GULP1: variants seen among roughly 807,000 people sequenced by gnomAD.
The protein encoded by GULP1 is GULP PTB domain containing engulfment adaptor 1.
GULP1 carries 19 observed loss-of-function variants against 40.9 expected under a neutral mutation model. The ratio of observed to expected loss-of-function variants is 0.46; its 90% confidence interval spans 0.32 to 0.68. The LOEUF is 0.68. Among genes scored for constraint, GULP1 ranks in the 30% least tolerant of loss-of-function variants. GULP1 has a pLI of 0.03. For missense variants in GULP1, 312 were observed against 362.2 expected (o/e 0.86, Z 1.12); for synonymous variants, 119 against 117.6 (o/e 1.01, Z -0.08).
At chr2:188,498,467 A>G (rs2063115039) in intron 4 of GULP1, among the ~76,000 whole-genome samples, 1 of 151,972 alleles carries the variant, frequency 6.6e-6, no homozygotes, top group Admixed American at 6.6e-5. Flanking sequence ...AATAAACACT[A>G]AACAATTAAA....
intron 4 of GULP1, among the ~76,000 whole-genome samples, chr2:188,509,358 T>C (rs1256219547): frequency 6.6e-6 from 1 of 152,158 alleles, no homozygotes; most frequent in African/African-American, 2.4e-5. Flanking sequence ...CCTTCTTTGC[T>C]TTGACCTTCA....
chr2:188,424,407 AATG>A (rs1575158832), intron 2 of GULP1, among the ~76,000 whole-genome samples: 2 of 152,046 alleles, frequency 1.3e-5, no homozygotes, highest in East Asian at 3.9e-4. Flanking sequence ...CATTGATTTC[AATG>A]CATGATCATT....
Position 188,328,521 on chromosome 2 carries a change from G to T in GULP1, c.-172+36355G>T, listed in dbSNP as rs577396837. ...CTACTAGAATCAGCAAAAATATATT[G>T]CTTGCTAATTAATTATCCTTCAACA... On this transcript the variant is annotated intron_variant, in intron 1 of 11. Transcript: ENST00000409830. Among the ~76,000 whole-genome samples the T allele has an allele frequency of 2.0e-5, 3 of 152,200 alleles. No individual in the cohort carries two copies. The South Asian group carries it at 6.2e-4, about 32-fold the overall frequency.
At chr2:188,402,217 C>A (rs867341605) in intron 2 of GULP1, among the ~76,000 whole-genome samples, 21 of 152,218 alleles carry the variant, frequency 1.4e-4, no homozygotes, top group Middle Eastern at 3.4e-3. Context: ...CCGGCTAGTA[C>A]CTACAGTAAG....
chr2:188,519,050 AT>A (rs1424123423), intron 4 of GULP1, among the ~76,000 whole-genome samples: 1 of 152,146 alleles, frequency 6.6e-6, no homozygotes, highest in Non-Finnish European at 1.5e-5. Flanking sequence ...ATTTTTTGTA[AT>A]TAAAAAAATA....
At chr2:188,364,120 G>C (rs1176445442) in intron 1 of GULP1, among the ~76,000 whole-genome samples, 1 of 152,090 alleles carries the variant, frequency 6.6e-6, no homozygotes, top group African/African-American at 2.4e-5. Context: ...TTTGCTGTAG[G>C]TAAATAATTA....
intron 7 of GULP1, among the ~76,000 whole-genome samples, chr2:188,547,923 G>A (rs1451114824): frequency 6.6e-6 from 1 of 152,000 alleles, no homozygotes; most frequent in Admixed American, 6.6e-5. Flanking sequence ...CTTTAAAAGA[G>A]AATGAACACA....
intron 7 of GULP1, among the ~76,000 whole-genome samples, chr2:188,550,312 C>T (rs1166032720): frequency 6.6e-6 from 1 of 151,556 alleles, no homozygotes; most frequent in Non-Finnish European, 1.5e-5. Flanking sequence ...TAGAGGAAGG[C>T]TTACCTTAGC....
At chr2:188,439,983 C>A (rs2152859258) in intron 2 of GULP1, among the ~76,000 whole-genome samples, 1 of 152,050 alleles carries the variant, frequency 6.6e-6, no homozygotes, top group African/African-American at 2.4e-5. Flanking sequence ...AATAGAGTAC[C>A]ACCAAAACAT....
At chr2:188,368,893 A>T in intron 1 of GULP1, among the ~76,000 whole-genome samples, 1 of 138,834 alleles carries the variant, frequency 7.2e-6, no homozygotes, top group Non-Finnish European at 1.5e-5. Context: ...ATTCTTTGAG[A>T]GTGTATTAAT....
chr2:188,406,975 A>G (rs1391974159), intron 2 of GULP1, among the ~76,000 whole-genome samples: 2 of 152,162 alleles, frequency 1.3e-5, no homozygotes, highest in Non-Finnish European at 1.5e-5. Context: ...AGCTGTGAAA[A>G]TCAAAGACAG....
At chr2:188,552,462 C>T (rs759351306) in intron 7 of GULP1, among the ~76,000 whole-genome samples, 1 of 151,812 alleles carries the variant, frequency 6.6e-6, no homozygotes, top group African/African-American at 2.4e-5. Context: ...CCTCAGTTGA[C>T]TGTAAATAAG....
intron 4 of GULP1, among the ~76,000 whole-genome samples, chr2:188,516,592 A>G (rs891247716): frequency 2.6e-5 from 4 of 152,040 alleles, no homozygotes; most frequent in African/African-American, 7.2e-5. Context: ...CTAGGACTCT[A>G]TTTGGTTTAA....
intron 2 of GULP1, among the ~76,000 whole-genome samples, chr2:188,401,316 G>C (rs182826338): frequency 1.9e-4 from 29 of 152,034 alleles, no homozygotes; most frequent in Non-Finnish European, 8.8e-5. Context: ...GTAAGATCTC[G>C]ATACTATATA....
intron 2 of GULP1, among the ~76,000 whole-genome samples, chr2:188,458,595 T>C (rs200894776): frequency 5.3e-5 from 8 of 152,180 alleles, no homozygotes; most frequent in Non-Finnish European, 5.9e-5. Flanking sequence ...TGAAGTGTTT[T>C]AATACAGACA....
chr2:188,471,664 ACT>A (rs2060604517), intron 2 of GULP1, among the ~76,000 whole-genome samples: 1 of 151,216 alleles, frequency 6.6e-6, no homozygotes, highest in South Asian at 2.1e-4. Context: ...TGAAATAAAA[ACT>A]CTACATCTTA....
rs778254562 is a variant in GULP1, at chr2:188,584,381, A to G, written c.726A>G (p.Val242=). ...PTRNGTQPPP[V]PSRSTEIKRD... ...GCAATGGCACACAGCCACCTCCAGT[A>G]CCTAGTAGATCTACTGAGATTAGTA... The change falls in exon 10 of 12, where the codon GTA becomes GTG. Residue 242 remains valine, a synonymous_variant. Coordinates refer to ENST00000409830, the MANE Select transcript of GULP1 (RefSeq NM_016315.4). 1 of 1,602,572 alleles carries G rather than the reference A, an allele frequency of 6.2e-7. No homozygotes were observed. Among genetic ancestry groups the G allele is most frequent in the Admixed American group, 1.7e-5 (1 of 59,856 alleles).
At chr2:188,559,939 C>T (rs1695817821) in intron 7 of GULP1, among the ~76,000 whole-genome samples, 1 of 152,146 alleles carries the variant, frequency 6.6e-6, no homozygotes, top group African/African-American at 2.4e-5. Flanking sequence ...CTCATTTTGT[C>T]TGGTCACTGC....
intron 7 of GULP1, among the ~76,000 whole-genome samples, chr2:188,557,961 C>T (rs1015049489): frequency 2.0e-5 from 3 of 152,118 alleles, no homozygotes; most frequent in Admixed American, 6.5e-5. Context: ...GGGCCATGGG[C>T]CTGGCCCATG....
Sources: allele counts gnomAD v4.1 joint callset (sites outside exome capture counted in the v4.1 genomes callset), GRCh38; gene constraint gnomAD v4.1.1; transcripts MANE v1.5; gene names NCBI Gene and HGNC (gene_info 2026-07-23, HGNC 2026-07-21).